Variants in BEST4 observed in about 807,000 individuals in gnomAD.
BEST4 encodes bestrophin-4.
Under a neutral mutation model 47.1 loss-of-function variants are expected in BEST4, and 36 were observed. The observed-to-expected ratio is 0.76, with a 90% CI of 0.59 to 1.01. The LOEUF (loss-of-function observed/expected upper bound fraction) is 1.01. BEST4 is among the 50% of genes least tolerant of loss of function. The probability of loss-of-function intolerance (pLI) is 0.00; values close to 1 mark genes in which losing one functional copy is unlikely to be tolerated. For missense variants in BEST4, 550 were observed against 648.6 expected, an observed-to-expected ratio of 0.85 and a Z score of 1.65; for synonymous variants, 250 against 277.8, an observed-to-expected ratio of 0.90 and a Z score of 1.00.
At position 44,787,870 on chromosome 1, in the gene BEST4, C is replaced by G. The variant is rs1651305006; in HGVS notation, c.-165G>C. ...GCAGAGCAGAAAAGTACACCCCACCCCCTGCAGAACTGAGCAGTACATGGG... is the reference window on the plus strand; with the variant it reads ...GCAGAGCAGAAAAGTACACCCCACCGCCTGCAGAACTGAGCAGTACATGGG... On this transcript the variant is annotated 5_prime_UTR_variant, in exon 1 of 9. Coordinates refer to ENST00000372207, the MANE Select transcript of BEST4 (RefSeq NM_153274.3). Among the ~76,000 whole-genome samples the G allele has an allele frequency of 6.6e-6, 1 of 152,214 alleles. No homozygotes were observed. Among genetic ancestry groups the G allele is most frequent in the African/African-American group, 2.4e-5 (1 of 41,460 alleles).
In BEST4 at chr1:44,786,097, T is replaced by C. The variant is rs906381528; in HGVS notation, c.613A>G (p.Ile205Val). Residue 205 changes from isoleucine (I) to valine (V), a missense_variant, in exon 4 of 9, where the codon ATC becomes GTC. By Grantham distance (29) the Ile-to-Val change is conservative. Around this residue, in one of 3 missense-constraint regions of BEST4, gnomAD observed 291 missense variants for 342.4 expected, o/e 0.85. Transcript: ENST00000372207. The surrounding 1 kb of genome is among the most constrained non-coding windows in gnomAD (Gnocchi z 4.9). ...ACTTCCAAAAGTAGACAGAGAGCGA[T>C]ATCGTCACGTATTCGCCCGTCCCTC... ...ARRDGRIRDD[I>V]ALCLLLEELN... The C allele has an allele frequency of 6.2e-7, 1 of 1,611,498 alleles. No individual in the cohort carries two copies. The highest frequency in any genetic ancestry group is 8.5e-7 in the Non-Finnish European group (1 of 1,179,064).
chr1:44,783,044 T>G (rs1651087944), downstream of BEST4, among the ~76,000 whole-genome samples: 1 of 152,004 alleles, frequency 6.6e-6, no homozygotes, highest in Non-Finnish European at 1.5e-5. Context: ...AACCTCCGCT[T>G]CCCAGATTCA....
chr1:44,785,609 A>G lies in BEST4; in HGVS notation c.704T>C (p.Val235Ala). 1 of 1,550,886 alleles carries G rather than the reference A, an allele frequency of 6.4e-7. No homozygotes were observed. The highest frequency in any genetic ancestry group is 8.7e-7 in the Non-Finnish European group (1 of 1,147,276). The change falls in exon 5 of 9, where the codon GTC (valine) becomes GCC (alanine). Residue 235 changes from valine (V) to alanine (A), a missense_variant. Val to Ala is a moderately conservative substitution (Grantham distance 64, BLOSUM62 0). This residue lies in a region of BEST4 where 291 missense variants were observed against 342.4 expected (regional missense o/e 0.85). Transcript: ENST00000372207. ...GGGAGAGGCAGTTACTTGGGTGTAG[A>G]CGAGGGGGATGCTGATCCAGTCATA... ...FHYDWISIPL[V>A]YTQVVTIAVY... is the part of the protein sequence containing the mutation.
rs1651144389 is a variant in BEST4, at chr1:44,784,464, G to A, written c.1168C>T (p.Gln390Ter). 6.9e-7 allele frequency: 1 copy of A among 1,457,356 alleles called. No homozygotes were observed. The highest frequency in any genetic ancestry group is 1.4e-5 in the African/African-American group (1 of 69,672). 90.3% of individuals were successfully genotyped at this position (1,457,356 alleles called of 1,614,324 possible). Residue 390 changes from glutamine to a stop codon, truncating the protein, a stop_gained, in exon 9 of 9, where the codon CAG (glutamine) becomes TAG (stop). Coordinates refer to ENST00000372207, the MANE Select transcript of BEST4 (RefSeq NM_153274.3). LOFTEE classifies it low-confidence loss of function (END_TRUNC). The surrounding 1 kb of genome is among the most constrained non-coding windows in gnomAD (Gnocchi z 6.2). ...FNLRMSDDPE[Q>*]SLQVEASPGS... ...GGGGACGCCTCCACCTGCAGGCTCT[G>A]CTCAGGGTCGTCGCTCATGCTGCGG...
chr1:44,785,474 AG>A (rs1651185298), intron 5 of BEST4, 124 bp downstream of exon 5: 1 of 1,212,260 alleles, frequency 8.2e-7, no homozygotes, highest in Admixed American at 2.3e-5. Context: ...GGGGGCTTTT[AG>A]GATGAACCCG....
rs769636382 is a variant in BEST4 at position 44,784,948 on chromosome 1, T to C, written c.950A>G (p.Asp317Gly). The C allele has an allele frequency of 6.2e-7, 1 of 1,614,162 alleles. No homozygotes were observed. The highest frequency in any genetic ancestry group is 1.7e-5 in the Admixed American group (1 of 60,030). ...GAGCTGATTTGTCTCAAAGTCGTCA[T>C]CATCCTCACCAAATGGGTTGATGAT... is the stretch of plus-strand genomic sequence containing the variant. Reference protein sequence around the residue: ...EQIINPFGEDDDDFETNQLID... With the variant: ...EQIINPFGEDGDDFETNQLID... Residue 317 changes from aspartate (D) to glycine (G), a missense_variant, in exon 7 of 9, where the codon GAT becomes GGT. Physicochemically the swap from Asp to Gly is moderately conservative, Grantham distance 94 (BLOSUM62 -1). Around this residue, in one of 3 missense-constraint regions of BEST4, gnomAD observed 255 missense variants for 286.6 expected, o/e 0.89. Transcript: ENST00000372207. The surrounding 1 kb of genome is among the most constrained non-coding windows in gnomAD (Gnocchi z 6.2).
At position 44,785,176 on chromosome 1, in the gene BEST4, C is replaced by T. The variant is rs1451920727; in HGVS notation, c.844G>A (p.Gly282Arg). 1 of 1,613,888 alleles carries T rather than the reference C, an allele frequency of 6.2e-7. No individual in the cohort carries two copies. Among genetic ancestry groups the T allele is most frequent in the Admixed American group, 1.7e-5 (1 of 59,980 alleles). The change falls in exon 6 of 9, where the codon GGA becomes AGA. Residue 282 changes from glycine (G) to arginine (R), a missense_variant. Gly to Arg is a moderately radical substitution (Grantham distance 125). This residue lies in a region of BEST4 where 255 missense variants were observed against 286.6 expected (regional missense o/e 0.89). Transcript: ENST00000372207. ...AGAGGCACGTACATGTCCGGGTCTCCCAGGGCTGGGGCTGGCTCCTGGCCT... is the reference window on the plus strand; with the variant it reads ...AGAGGCACGTACATGTCCGGGTCTCTCAGGGCTGGGGCTGGCTCCTGGCCT... ...KPGQEPAPAL[G>R]DPDMYVPLTT...
In BEST4 at chr1:44,784,958, C is replaced by A; in HGVS notation, c.940G>T (p.Gly314Cys). ...KVAEQIINPF[G>C]EDDDDFETNQ... ...GTCTCAAAGTCGTCATCATCCTCAC[C>A]AAATGGGTTGATGATCTGTTCAGCC... The change falls in exon 7 of 9, where the codon GGT becomes TGT. Residue 314 changes from glycine (G) to cysteine (C), a missense_variant. Coordinates refer to ENST00000372207, the MANE Select transcript of BEST4 (RefSeq NM_153274.3). The surrounding 1 kb of genome is among the most constrained non-coding windows in gnomAD (Gnocchi z 6.2). 1 of 1,614,102 alleles carries A rather than the reference C, an allele frequency of 6.2e-7. No individual in the cohort carries two copies. The highest frequency in any genetic ancestry group is 1.1e-5 in the South Asian group (1 of 91,076).
In BEST4 at chr1:44,786,749, G is replaced by C; in HGVS notation, c.248-53C>G. 1 of 1,418,318 alleles carries C rather than the reference G, an allele frequency of 7.1e-7. No homozygotes were observed. The highest frequency in any genetic ancestry group is 9.6e-7 in the Non-Finnish European group (1 of 1,041,162). 87.9% of individuals were successfully genotyped at this position (1,418,318 alleles called of 1,614,324 possible). A position where few individuals can be genotyped will look rare whatever the true frequency, so the allele number is the denominator to read the frequency against. ...AGGAAGGGAGAGTGGAGAGCCTGGG[G>C]GTCGGAGCGCCTCACCTCCCCCAGC... On this transcript the variant is annotated intron_variant, in intron 2 of 8. Coordinates refer to ENST00000372207, the MANE Select transcript of BEST4 (RefSeq NM_153274.3). This position sits in a 1 kb window ranked among gnomAD's most constrained non-coding sequence, Gnocchi z 4.9.
upstream of BEST4, among the ~76,000 whole-genome samples, chr1:44,790,552 A>G (rs1307017003): frequency 1.3e-5 from 2 of 152,048 alleles, no homozygotes; most frequent in East Asian, 1.9e-4. Flanking sequence ...GTGGTCTATG[A>G]TCTGTTTACA....
downstream of BEST4, among the ~76,000 whole-genome samples, chr1:44,783,118 C>A (rs936187143): frequency 6.6e-6 from 1 of 152,154 alleles, no homozygotes; most frequent in African/African-American, 2.4e-5. Flanking sequence ...CCACACCCAG[C>A]TAATTTTTGT....
At chr1:44,785,759 C>T in intron 4 of BEST4, 83 bp from the exon 5 acceptor site, 1 of 1,221,378 alleles carries the variant, frequency 8.2e-7, no homozygotes, top group South Asian at 1.3e-5. Flanking sequence ...TGGGCCTGGC[C>T]AGGAGGCTCT....
At position 44,785,685 on chromosome 1, in the gene BEST4, A is replaced by G; in HGVS notation, c.637-9T>C. ...CGGTACTTGTTCAGCTCCTGGGGGA[A>G]CAGCAGGAACAGGAAGTCAGCAGAG... On this transcript the variant is annotated splice_polypyrimidine_tract_variant and intron_variant, in intron 4 of 8. Coordinates refer to ENST00000372207, the MANE Select transcript of BEST4 (RefSeq NM_153274.3). 1 of 1,551,370 alleles carries G rather than the reference A, an allele frequency of 6.4e-7. No individual in the cohort carries two copies. Among genetic ancestry groups the G allele is most frequent in the East Asian group, 2.4e-5 (1 of 40,940 alleles).
chr1:44,791,010 T>G (rs1651393467), upstream of BEST4, among the ~76,000 whole-genome samples: 1 of 152,062 alleles, frequency 6.6e-6, no homozygotes, highest in South Asian at 2.1e-4. Flanking sequence ...CTTCCCTCCT[T>G]CTTGCCTCCC....
rs529110922 is a variant in BEST4 at position 44,786,823 on chromosome 1, T to G, written c.248-127A>C. The G allele has an allele frequency of 5.6e-6, 4 of 720,716 alleles. No homozygotes were observed. Among genetic ancestry groups the G allele is most frequent in the African/African-American group, 1.8e-5 (1 of 56,066 alleles). 44.6% of individuals were successfully genotyped at this position (720,716 alleles called of 1,614,324 possible). Reference sequence around the variant, plus strand: ...GAATCGTGGCAGGGGGAAGGAAACATTCAGCTCCAGTGCCCTGCTGTGCGA... The same window carrying G: ...GAATCGTGGCAGGGGGAAGGAAACAGTCAGCTCCAGTGCCCTGCTGTGCGA... On this transcript the variant is annotated intron_variant, in intron 2 of 8. Coordinates refer to ENST00000372207, the MANE Select transcript of BEST4 (RefSeq NM_153274.3). This position sits in a 1 kb window ranked among gnomAD's most constrained non-coding sequence, Gnocchi z 4.9.
In BEST4 at chr1:44,784,802, A is replaced by G; in HGVS notation, c.994-19T>C. ...GGGACACCTGGGCCACCAGCAAGTT[A>G]CAAGGATCCTCCTCTCCTCTCCTTC... is the stretch of plus-strand genomic sequence containing the variant. On this transcript the variant is annotated intron_variant, in intron 7 of 8. Transcript: ENST00000372207. This position sits in a 1 kb window ranked among gnomAD's most constrained non-coding sequence, Gnocchi z 6.2. The G allele has an allele frequency of 6.3e-7, 1 of 1,593,704 alleles. No homozygotes were observed. Among genetic ancestry groups the G allele is most frequent in the Non-Finnish European group, 8.6e-7 (1 of 1,169,096 alleles).
upstream of BEST4, among the ~76,000 whole-genome samples, chr1:44,791,232 A>ATGTG (rs35156965): frequency 2.0e-5 from 3 of 147,056 alleles, no homozygotes; most frequent in South Asian, 2.2e-4. Flanking sequence ...GAGAGAGAGT[A>ATGTG]TGTGTGTGTG....
downstream of BEST4, among the ~76,000 whole-genome samples, chr1:44,782,896 T>C (rs1651084148): frequency 6.6e-6 from 1 of 152,106 alleles, no homozygotes; most frequent in Admixed American, 6.5e-5. Context: ...AAGAATCGTA[T>C]AGGAGCATAG....
chr1:44,792,182 C>T (rs554973610), upstream of BEST4, among the ~76,000 whole-genome samples: 12 of 152,148 alleles, frequency 7.9e-5, no homozygotes, highest in South Asian at 4.1e-4. Context: ...GTGGAGATTG[C>T]GGTGAGCCGA....
Sources: allele counts gnomAD v4.1 joint callset (sites outside exome capture counted in the v4.1 genomes callset), GRCh38; gene constraint gnomAD v4.1.1; regional missense constraint gnomAD v4.1.1; non-coding constraint Gnocchi (gnomAD v3.1); transcripts MANE v1.5; gene names NCBI Gene and HGNC (gene_info 2026-07-23, HGNC 2026-07-21).